Variants in YARS1 observed in about 807,000 individuals in gnomAD.
YARS1 encodes tyrosyl-tRNA synthetase 1.
YARS1 carries 36 observed loss-of-function variants against 62.2 expected under a neutral mutation model. The ratio of observed to expected loss-of-function variants is 0.58; its 90% CI spans 0.44 to 0.76. YARS1 has a LOEUF of 0.76. Among genes scored for constraint, YARS1 ranks in the 30% least tolerant of loss-of-function variants. YARS1 has a pLI of 0.00. For synonymous variants in YARS1, 234 were observed against 244.9 expected, an observed-to-expected ratio of 0.96 and a Z score of 0.42; for missense variants, 524 against 639.8, an observed-to-expected ratio of 0.82 and a Z score of 1.95.
chr1:32,780,720 A>C (rs898755974), intron 10 of YARS1: 88 of 438,330 alleles, frequency 2.0e-4, no homozygotes, highest in Non-Finnish European at 3.4e-4. Context: ...AAGGGGGCAA[A>C]GTGGCCCATC....
At chr1:32,798,603 G>A (rs576197823) in intron 4 of YARS1, among the ~76,000 whole-genome samples, 1 of 152,312 alleles carries the variant, frequency 6.6e-6, no homozygotes, top group South Asian at 2.1e-4. Flanking sequence ...TTGGGAGGCT[G>A]AGGTGGAAAG....
At chr1:32,802,188 C>T (rs540109264) in intron 4 of YARS1, among the ~76,000 whole-genome samples, 1 of 152,116 alleles carries the variant, frequency 6.6e-6, no homozygotes, top group Non-Finnish European at 1.5e-5. Context: ...ACCTCGTGAT[C>T]CGTCCGCCTC....
In YARS1 at chr1:32,805,680, G is replaced by A. The variant is rs548052220; in HGVS notation, c.510+802C>T. ...TGTAGATTTAAAGTGACAGATGTGCGGCCGGGCACGGTAGCTCACGTCTAT... is the reference window on the plus strand; with the variant it reads ...TGTAGATTTAAAGTGACAGATGTGCAGCCGGGCACGGTAGCTCACGTCTAT... On this transcript the variant is annotated intron_variant, in intron 4 of 12. Transcript: ENST00000373477. Among the ~76,000 whole-genome samples, 10 of 151,158 alleles carry A rather than the reference G, an allele frequency of 6.6e-5. No individual in the cohort carries two copies. In the South Asian group the frequency reaches 8.4e-4, roughly 13 times the overall value.
In YARS1 at chr1:32,781,688, G is replaced by A. The variant is rs560733204; in HGVS notation, c.1043-543C>T. ...ACTAAGAGCCAGGCCCATGCACATA[G>A]AAGGAAACTGGGAGAATCTAAAGAT... On this transcript the variant is annotated intron_variant, in intron 9 of 12. Transcript: ENST00000373477. The A allele has an allele frequency of 2.2e-4, 37 of 166,986 alleles. No individual in the cohort carries two copies. In the South Asian group the frequency reaches 5.8e-3, roughly 26 times the overall value. 10.3% of individuals were successfully genotyped at this position (166,986 alleles called of 1,614,324 possible).
chr1:32,779,245 G>T, intron 12 of YARS1, 137 bp downstream of exon 12: 2 of 1,432,228 alleles, frequency 1.4e-6, no homozygotes, highest in Non-Finnish European at 2.0e-6. Flanking sequence ...AAAAAGGTCT[G>T]GAAAGAAGGA....
intron 3 of YARS1, 28 bp from the exon 4 acceptor site, chr1:32,806,639 TG>T: frequency 6.2e-7 from 1 of 1,614,100 alleles, no homozygotes; most frequent in Non-Finnish European, 8.5e-7. Context: ...AGGGGACAGC[TG>T]TAAACCTGGG....
Position 32,775,834 on chromosome 1 carries a change from G to A in YARS1, c.*147C>T, listed in dbSNP as rs886402993. On this transcript the variant is annotated 3_prime_UTR_variant, in exon 13 of 13. Transcript: ENST00000373477. Reference sequence around the variant, plus strand: ...TCCTGGGTTCTGGGGAGGGTAAGCTGCCCCTTGCCGAGTTCTGCACCGAAT... The same window carrying A: ...TCCTGGGTTCTGGGGAGGGTAAGCTACCCCTTGCCGAGTTCTGCACCGAAT... 5 of 741,412 alleles carry A rather than the reference G, an allele frequency of 6.7e-6. No individual in the cohort carries two copies. The highest frequency in any genetic ancestry group is 1.7e-5 in the African/African-American group (1 of 57,802). 45.9% of individuals were successfully genotyped at this position (741,412 alleles called of 1,614,324 possible).
chr1:32,799,487 G>A (rs941822656), intron 4 of YARS1, among the ~76,000 whole-genome samples: 1 of 152,138 alleles, frequency 6.6e-6, no homozygotes, highest in African/African-American at 2.4e-5. Context: ...ATGGACAAAA[G>A]ACAATGAGGA....
intron 1 of YARS1, among the ~76,000 whole-genome samples, chr1:32,814,529 A>C (rs113890790): frequency 9.1e-4 from 138 of 152,330 alleles, no homozygotes; most frequent in African/African-American, 3.2e-3. Flanking sequence ...AGCTGGAATT[A>C]CAGGTGCCCG....
In YARS1 at chr1:32,780,627, A is replaced by G. The variant is rs1653021805; in HGVS notation, c.1141-349T>C. 6 of 418,078 alleles carry G rather than the reference A, an allele frequency of 1.4e-5. No homozygotes were observed. The Admixed American group carries it at 1.5e-4, about 10-fold the overall frequency. 25.9% of individuals were successfully genotyped at this position (418,078 alleles called of 1,614,324 possible). A position where few individuals can be genotyped will look rare whatever the true frequency, so the allele number is the denominator to read the frequency against. On this transcript the variant is annotated intron_variant, in intron 10 of 12. Transcript: ENST00000373477. ...GCAAATCCATGTCGAAGGGAAAAAA[A>G]GCCCAGAACAATGGTCCCAGGCCAC...
intron 5 of YARS1, among the ~76,000 whole-genome samples, chr1:32,795,818 A>G (rs1457164056): frequency 6.6e-6 from 1 of 151,994 alleles, no homozygotes; most frequent in Non-Finnish European, 1.5e-5. Context: ...AAAAAAAAAA[A>G]AAAGATTTTA....
chr1:32,777,596 G>A (rs1486879850), intron 12 of YARS1, among the ~76,000 whole-genome samples: 1 of 152,184 alleles, frequency 6.6e-6, no homozygotes, highest in Non-Finnish European at 1.5e-5. Flanking sequence ...GGGCGACAGA[G>A]CAAGACTCCA....
chr1:32,782,581 A>G (rs1653096648), intron 8 of YARS1, 42 bp from the exon 9 acceptor site: 2 of 1,613,526 alleles, frequency 1.2e-6, no homozygotes, highest in South Asian at 1.1e-5. Flanking sequence ...AGTCTAGAAC[A>G]GGGCACAGGA....
At chr1:32,797,114 A>G (rs987806239) in intron 5 of YARS1, among the ~76,000 whole-genome samples, 2 of 141,856 alleles carry the variant, frequency 1.4e-5, no homozygotes, top group Admixed American at 1.4e-4. Flanking sequence ...GATCTCACCT[A>G]TAATCCCAGC....
chr1:32,781,497 T>C (rs1007884272), intron 9 of YARS1: 43 of 298,494 alleles, frequency 1.4e-4, no homozygotes, highest in South Asian at 1.2e-3. Context: ...GACGGGAGGA[T>C]TGCTTAAGCC....
intron 5 of YARS1, among the ~76,000 whole-genome samples, chr1:32,794,542 A>G (rs1025504678): frequency 1.3e-5 from 2 of 152,002 alleles, no homozygotes; most frequent in Non-Finnish European, 2.9e-5. Flanking sequence ...GGTGCACACC[A>G]CTGCGTCTGG....
At chr1:32,803,037 C>T (rs1638342802) in intron 4 of YARS1, among the ~76,000 whole-genome samples, 1 of 142,090 alleles carries the variant, frequency 7.0e-6, no homozygotes, top group Admixed American at 7.4e-5. Context: ...GGCTGGAGTG[C>T]AATGGTGCGA....
intron 1 of YARS1, among the ~76,000 whole-genome samples, chr1:32,812,249 G>C (rs997163319): frequency 1.3e-5 from 2 of 152,198 alleles, no homozygotes; most frequent in African/African-American, 4.8e-5. Context: ...TTGGCCTCAA[G>C]TGATCCTCTG....
At chr1:32,789,466 T>C (rs1031720874) in intron 6 of YARS1, among the ~76,000 whole-genome samples, 5 of 152,134 alleles carry the variant, frequency 3.3e-5, no homozygotes, top group Admixed American at 1.3e-4. Flanking sequence ...AAAGAGTGAG[T>C]TCATGGTCAT....
Sources: allele counts gnomAD v4.1 joint callset (sites outside exome capture counted in the v4.1 genomes callset), GRCh38; gene constraint gnomAD v4.1.1; transcripts MANE v1.5; gene names NCBI Gene and HGNC (gene_info 2026-07-23, HGNC 2026-07-21).